Variants in RANBP2 observed in about 807,000 individuals in gnomAD.
The protein encoded by RANBP2 is E3 SUMO-protein ligase RanBP2.
RANBP2 carries 57 observed loss-of-function variants against 303.6 expected under a neutral mutation model. That is an observed-to-expected ratio of 0.19 (90% confidence interval 0.15 to 0.23). RANBP2 has a LOEUF of 0.23. RANBP2 is among the 10% of genes least tolerant of loss of function. RANBP2 has a pLI of 1.00. For missense variants in RANBP2, 3,138 were observed against 3,780.8 expected, an observed-to-expected ratio of 0.83 and a Z score of 4.46; for synonymous variants, 1,167 against 1,301.5, an observed-to-expected ratio of 0.90 and a Z score of 2.23.
At chr2:109,387,862 G>C in the RANBP2 span, among the ~76,000 whole-genome samples, 2 of 152,038 alleles carry the variant, frequency 1.3e-5, no homozygotes, top group Non-Finnish European at 2.9e-5. Flanking sequence ...GATGGTTGGG[G>C]GGGGGGTCTC....
the RANBP2 span, among the ~76,000 whole-genome samples, chr2:108,966,469 G>A: frequency 2.0e-5 from 3 of 152,178 alleles, no homozygotes; most frequent in Non-Finnish European, 4.4e-5. Context: ...GCCTCATCTC[G>A]CGGGCCCCGG....
chr2:109,436,487 C>G, the RANBP2 span, among the ~76,000 whole-genome samples: 1 of 152,338 alleles, frequency 6.6e-6, no homozygotes, highest in Admixed American at 6.5e-5. Flanking sequence ...AGAGGGGGCC[C>G]GCGTCCTTGC....
At chr2:109,152,782 G>A in the RANBP2 span, among the ~76,000 whole-genome samples, 115 of 152,292 alleles carry the variant, frequency 7.6e-4, no homozygotes, top group African/African-American at 2.6e-3. Flanking sequence ...TCCCAGGCCC[G>A]ATGGCCTGAT....
the RANBP2 span, among the ~76,000 whole-genome samples, chr2:109,506,247 AACTGAC>A: frequency 6.6e-6 from 1 of 152,094 alleles, no homozygotes; most frequent in African/African-American, 2.4e-5. Flanking sequence ...CCCTGCCTCT[AACTGAC>A]ACTGACAGGT....
At chr2:108,981,494 C>A in the RANBP2 span, among the ~76,000 whole-genome samples, 1 of 152,228 alleles carries the variant, frequency 6.6e-6, no homozygotes, top group Non-Finnish European at 1.5e-5. Flanking sequence ...CCATTTTCCG[C>A]TCTAGCTCCC....
At chr2:109,135,383 C>G in the RANBP2 span, among the ~76,000 whole-genome samples, 1 of 152,204 alleles carries the variant, frequency 6.6e-6, no homozygotes, top group African/African-American at 2.4e-5. Context: ...TTCCACACTT[C>G]CTCACCATCT....
At chr2:108,739,449 G>A (rs1695890187) in intron 6 of RANBP2, among the ~76,000 whole-genome samples, 1 of 152,084 alleles carries the variant, frequency 6.6e-6, no homozygotes, top group Non-Finnish European at 1.5e-5. Flanking sequence ...GAGAAAATGA[G>A]TATGTAAAAT....
At chr2:109,244,756 G>A in the RANBP2 span, among the ~76,000 whole-genome samples, 2 of 152,158 alleles carry the variant, frequency 1.3e-5, no homozygotes, top group Non-Finnish European at 2.9e-5. Context: ...CTCAATGCCC[G>A]GGCCCTTGAG....
chr2:109,041,464 G>A, the RANBP2 span, among the ~76,000 whole-genome samples: 8 of 151,738 alleles, frequency 5.3e-5, no homozygotes, highest in East Asian at 1.5e-3. Context: ...TATTTGATTA[G>A]CATGTTATTT....
chr2:109,023,836 A>T, the RANBP2 span, among the ~76,000 whole-genome samples: 1 of 152,174 alleles, frequency 6.6e-6, no homozygotes, highest in Non-Finnish European at 1.5e-5. Context: ...ACAAACAAAC[A>T]AAAAACTCTC....
At chr2:109,021,524 G>GAA in the RANBP2 span, among the ~76,000 whole-genome samples, 70,019 of 119,672 alleles carry the variant, frequency 0.59, 21,287 homozygotes, top group East Asian at 0.77. Flanking sequence ...CTCCGTCTCA[G>GAA]AAAAAAAAAA....
chr2:108,822,800 T>G, the RANBP2 span, among the ~76,000 whole-genome samples: 1 of 152,202 alleles, frequency 6.6e-6, no homozygotes, highest in Non-Finnish European at 1.5e-5. Flanking sequence ...GAGGGAAGTT[T>G]GTAGCTGTAG....
the RANBP2 span, among the ~76,000 whole-genome samples, chr2:108,913,141 G>A: frequency 1.3e-5 from 2 of 151,974 alleles, no homozygotes; most frequent in Non-Finnish European, 2.9e-5. Flanking sequence ...AGTAGAGACG[G>A]GGTTTCACCA....
chr2:109,595,824 G>C, the RANBP2 span, among the ~76,000 whole-genome samples: 1 of 152,206 alleles, frequency 6.6e-6, no homozygotes, highest in Non-Finnish European at 1.5e-5. Context: ...AAGTGCCACA[G>C]ATAATATCTG....
chr2:109,452,328 C>T, the RANBP2 span, among the ~76,000 whole-genome samples: 1 of 152,114 alleles, frequency 6.6e-6, no homozygotes, highest in South Asian at 2.1e-4. Flanking sequence ...TAACTTTGGG[C>T]AACTTGATCA....
chr2:109,794,610 G>GCGGCTTCGGCCCGGCC, the RANBP2 span: 1 of 189,728 alleles, frequency 5.3e-6, no homozygotes, highest in African/African-American at 3.7e-5. Flanking sequence ...GGCGGCGGCG[G>GCGGCTTCGGCCCGGCC]GGGGGGCGGC....
the RANBP2 span, among the ~76,000 whole-genome samples, chr2:109,059,575 C>CAAAA: frequency 1.4e-4 from 19 of 133,718 alleles, no homozygotes; most frequent in Admixed American, 1.4e-3. Flanking sequence ...GGCTCCGTCT[C>CAAAA]AAAAAAAAAA....
At chr2:109,415,615 T>A in the RANBP2 span, among the ~76,000 whole-genome samples, 3 of 152,132 alleles carry the variant, frequency 2.0e-5, no homozygotes, top group Non-Finnish European at 4.4e-5. Context: ...TGTGGCTGCC[T>A]TCTCCCTGCC....
chr2:109,583,360 A>C, the RANBP2 span, among the ~76,000 whole-genome samples: 1 of 152,254 alleles, frequency 6.6e-6, no homozygotes, highest in African/African-American at 2.4e-5. Flanking sequence ...AGACATGGAC[A>C]TACAAGCAGC....
Sources: allele counts gnomAD v4.1 joint callset (sites outside exome capture counted in the v4.1 genomes callset), GRCh38; gene constraint gnomAD v4.1.1; transcripts MANE v1.5; gene names NCBI Gene and HGNC (gene_info 2026-07-23, HGNC 2026-07-21).